AGL: variants seen among roughly 807,000 people sequenced by gnomAD.
AGL encodes glycogen debranching enzyme.
A neutral mutation model predicts 199.3 loss-of-function variants in AGL; 128 were observed. The observed-to-expected ratio is 0.64, with a 90% CI of 0.56 to 0.74. The LOEUF (loss-of-function observed/expected upper bound fraction) is 0.74. Among genes scored for constraint, AGL ranks in the 30% least tolerant of loss-of-function variants. AGL has a pLI of 0.00. For missense variants in AGL, 1,809 were observed against 1,820.8 expected (o/e 0.99, Z 0.12); for synonymous variants, 584 against 594.7 (o/e 0.98, Z 0.26).
At chr1:99,917,872 T>C (rs1168902515) in intron 33 of AGL, among the ~76,000 whole-genome samples, 1 of 152,198 alleles carries the variant, frequency 6.6e-6, no homozygotes, top group Non-Finnish European at 1.5e-5. Context: ...TTACCTGTTA[T>C]TACCCCCCAC....
In AGL at chr1:99,915,459, C is replaced by T. The variant is rs1655046172; in HGVS notation, c.4232C>T (p.Pro1411Leu). 7 of 1,613,236 alleles carry T rather than the reference C, an allele frequency of 4.3e-6. No individual in the cohort carries two copies. Among genetic ancestry groups the T allele is most frequent in the Non-Finnish European group, 5.9e-6 (7 of 1,179,468 alleles). ...LEIAEKKLLG[P>L]LGMKTLDPDD... ...ATTGCAGAAAAAAAATTGCTTGGTC[C>T]CCTTGGCATGAAAACTTTAGATCCA... is the stretch of plus-strand genomic sequence containing the variant. The change falls in exon 31 of 34, where the codon CCC (proline) becomes CTC (leucine). Residue 1411 changes from proline to leucine, a missense_variant. Physicochemically the swap from Pro to Leu is moderately conservative, Grantham distance 98. Coordinates refer to ENST00000361915, the MANE Select transcript of AGL (RefSeq NM_000642.3).
At chr1:99,896,049 ATCT>A (rs1653288619) in intron 24 of AGL, among the ~76,000 whole-genome samples, 1 of 152,236 alleles carries the variant, frequency 6.6e-6, no homozygotes, top group African/African-American at 2.4e-5. Flanking sequence ...CTGGTTCTTA[ATCT>A]TCTTTAGGTC....
At chr1:99,899,701 A>G (rs1438489668) in intron 25 of AGL, among the ~76,000 whole-genome samples, 2 of 151,712 alleles carry the variant, frequency 1.3e-5, no homozygotes, top group Non-Finnish European at 2.9e-5. Flanking sequence ...GCTCACTGCA[A>G]GCTCCGCCTC....
Position 99,899,510 on chromosome 1 carries a change from TTCTC to T in AGL, c.3363-1110_3363-1107del, listed in dbSNP as rs200390058. On this transcript the variant is annotated intron_variant, in intron 25 of 33. Transcript: ENST00000361915. ...GTCAGCTTCTACCAGTTTGTTTTCTTTCTCTCTCTCTCTCTCTCTTTCTCTCTCT... is the reference window on the plus strand; with the variant it reads ...GTCAGCTTCTACCAGTTTGTTTTCTTTCTCTCTCTCTCTCTTTCTCTCTCT... 3.4e-3 allele frequency among the ~76,000 whole-genome samples: 253 copies of T among 74,662 alleles called. 2 individuals are homozygous for T. The highest frequency in any genetic ancestry group is 6.1e-3 in the Non-Finnish European group (197 of 32,248). The allele number at this position is 74,662 out of a possible 152,430, so 49.0% of individuals were successfully genotyped here.
chr1:99,879,878 T>G (rs1557762455), intron 12 of AGL, 45 bp from the exon 13 acceptor site: 1 of 1,528,724 alleles, frequency 6.5e-7, no homozygotes, highest in South Asian at 1.1e-5. Flanking sequence ...GCTTTTCTCT[T>G]TCTGTTACAT....
At chr1:99,861,743 A>T (rs200848852) in intron 3 of AGL, 30 bp downstream of exon 3, 13 of 1,609,576 alleles carry the variant, frequency 8.1e-6, no homozygotes, top group Non-Finnish European at 1.1e-5. Context: ...TGTGAGAAAA[A>T]AAGTTAATTT....
rs200129247 is a variant in AGL at position 99,891,682 on chromosome 1, C to T, written c.3026C>T (p.Ala1009Val). 5.2e-5 allele frequency: 84 copies of T among 1,613,286 alleles called. No individual in the cohort carries two copies. Among genetic ancestry groups the T allele is most frequent in the Non-Finnish European group, 8.5e-7 (1 of 1,179,524 alleles). The change falls in exon 23 of 34, where the codon GCT becomes GTT. Residue 1009 changes from alanine to valine, a missense_variant. Physicochemically the swap from Ala to Val is moderately conservative, Grantham distance 64. Coordinates refer to ENST00000361915, the MANE Select transcript of AGL (RefSeq NM_000642.3). The stretch of plus-strand genomic sequence containing the variant: ...TACCTTATCCCATGTTACTTTGATG[C>T]TATATTAATTGGTGCATATACCACT... ...PRYLIPCYFD[A>V]ILIGAYTTLL...
intron 27 of AGL, 36 bp downstream of exon 27, chr1:99,902,830 A>C (rs761563253): frequency 1.8e-5 from 27 of 1,484,684 alleles, no homozygotes; most frequent in Non-Finnish European, 1.6e-5. Flanking sequence ...CAAATTTATC[A>C]AGGTGATGAA....
chr1:99,918,254 C>A (rs1030283284), intron 33 of AGL, among the ~76,000 whole-genome samples: 41 of 152,164 alleles, frequency 2.7e-4, no homozygotes, highest in Middle Eastern at 3.4e-3. Context: ...TCTAACCTAC[C>A]ATCACATCCA....
At chr1:99,880,903 A>G (rs1210729453) in intron 14 of AGL, 108 bp downstream of exon 14, 10 of 1,374,804 alleles carry the variant, frequency 7.3e-6, no homozygotes, top group Non-Finnish European at 1.0e-5. Flanking sequence ...AGTGTCTTAG[A>G]TTTATAACTG....
At chr1:99,885,618 G>A (rs1652396026) in intron 20 of AGL, among the ~76,000 whole-genome samples, 1 of 152,054 alleles carries the variant, frequency 6.6e-6, no homozygotes, top group African/African-American at 2.4e-5. Context: ...TCAGATCAGT[G>A]GCTGCATTAG....
chr1:99,862,535 A>C (rs1650140425), intron 4 of AGL, 112 bp downstream of exon 4: 8 of 1,160,814 alleles, frequency 6.9e-6, no homozygotes, highest in Admixed American at 1.8e-5. Context: ...TGCAGTAAAG[A>C]ACTACCTGAG....
At chr1:99,875,535 TTTC>T (rs1292203229) in intron 10 of AGL, 80 bp downstream of exon 10, 1 of 1,208,296 alleles carries the variant, frequency 8.3e-7, no homozygotes, top group Non-Finnish European at 1.2e-6. Context: ...ACCTAAATGT[TTTC>T]TTTAACATGT....
chr1:99,886,301 C>A (rs1348566559), intron 20 of AGL, among the ~76,000 whole-genome samples: 1 of 151,968 alleles, frequency 6.6e-6, no homozygotes, highest in Non-Finnish European at 1.5e-5. Context: ...CATAGTGAGA[C>A]CCTATCTCTA....
intron 5 of AGL, 73 bp downstream of exon 5, chr1:99,864,662 G>C (rs766094427): frequency 2.8e-5 from 37 of 1,334,514 alleles, no homozygotes; most frequent in Middle Eastern, 2.1e-4. Flanking sequence ...ACACAAATAA[G>C]AGAAAGGAAG....
At chr1:99,905,978 C>T (rs758322691) in intron 27 of AGL, among the ~76,000 whole-genome samples, 2 of 152,048 alleles carry the variant, frequency 1.3e-5, no homozygotes, top group Non-Finnish European at 2.9e-5. Flanking sequence ...GTAAAATAGA[C>T]ATAATGTATA....
Position 99,887,958 on chromosome 1 carries a change from C to A in AGL, c.2682-20C>A. 1 of 1,612,268 alleles carries A rather than the reference C, an allele frequency of 6.2e-7. No homozygotes were observed. The highest frequency in any genetic ancestry group is 8.5e-7 in the Non-Finnish European group (1 of 1,178,972). ...AAGCGAAACTTCAATATATGGTTATCTTTATTTTCCAATTCTTAGTCTTGC... is the reference window on the plus strand; with the variant it reads ...AAGCGAAACTTCAATATATGGTTATATTTATTTTCCAATTCTTAGTCTTGC... On this transcript the variant is annotated intron_variant, in intron 20 of 33. Transcript: ENST00000361915.
chr1:99,857,847 A>AGAGGGGGACCGTGGGGAGGGGGAGGGGGG (rs1557743553), intron 2 of AGL, among the ~76,000 whole-genome samples: 2 of 8,226 alleles, frequency 2.4e-4, no homozygotes, highest in African/African-American at 4.8e-4. Context: ...GGGGAGGGGG[A>AGAGGGGGACCGTGGGGAGGGGGAGGGGGG]GGGGGGAAGA....
intron 27 of AGL, among the ~76,000 whole-genome samples, chr1:99,906,703 A>G (rs530120659): frequency 6.6e-6 from 1 of 152,322 alleles, no homozygotes; most frequent in Admixed American, 6.5e-5. Context: ...ATAGCATGTG[A>G]CAGGATTCCC....
Sources: allele counts gnomAD v4.1 joint callset (sites outside exome capture counted in the v4.1 genomes callset), GRCh38; gene constraint gnomAD v4.1.1; transcripts MANE v1.5; gene names NCBI Gene and HGNC (gene_info 2026-07-23, HGNC 2026-07-21).